EEIG1: variants seen among roughly 807,000 people sequenced by gnomAD.
The protein encoded by EEIG1 is early estrogen-induced gene 1 protein.
chr9:127,941,851 G>A, the EEIG1 span: 1 of 152,200 alleles, frequency 6.6e-6, no homozygotes, highest in Non-Finnish European at 1.5e-5. Context: ...CAAGAAGAAA[G>A]ACGGAAAGAA....
the EEIG1 span, chr9:127,950,466 C>A: frequency 6.2e-7 from 1 of 1,614,042 alleles, no homozygotes; most frequent in Non-Finnish European, 8.5e-7. Context: ...CGTGTCATAT[C>A]CCTCGAGCAG....
the EEIG1 span, among the ~76,000 whole-genome samples, chr9:127,949,329 A>G: frequency 2.2e-3 from 339 of 150,966 alleles, 2 homozygotes; most frequent in African/African-American, 7.8e-3. Context: ...AAAAAAAAAA[A>G]AAAGAAAGGG....
the EEIG1 span, chr9:127,980,302 T>G: frequency 1.5e-6 from 1 of 657,646 alleles, no homozygotes; most frequent in South Asian, 2.0e-5. Flanking sequence ...GTCTGAGAGA[T>G]CCACCAGTCC....
the EEIG1 span, among the ~76,000 whole-genome samples, chr9:127,969,181 C>T: frequency 6.6e-6 from 1 of 152,178 alleles, no homozygotes; most frequent in Non-Finnish European, 1.5e-5. Flanking sequence ...GCAGAGCAGG[C>T]GGAGTGGCAA....
At chr9:127,959,706 T>C in the EEIG1 span, among the ~76,000 whole-genome samples, 24 of 152,324 alleles carry the variant, frequency 1.6e-4, no homozygotes, top group East Asian at 4.2e-3. Context: ...GTGAAGAAGG[T>C]CCTCGCTTCC....
At chr9:127,976,940 CCTTTGCTGT>C in the EEIG1 span, among the ~76,000 whole-genome samples, 1 of 152,024 alleles carries the variant, frequency 6.6e-6, no homozygotes, top group Non-Finnish European at 1.5e-5. This position sits in a 1 kb window ranked among gnomAD's most constrained non-coding sequence, Gnocchi z 4.1. Flanking sequence ...AACAATGGGG[CCTTTGCTGT>C]CTAGAGGGGC....
chr9:127,945,003 G>T, the EEIG1 span: 1 of 1,334,932 alleles, frequency 7.5e-7, no homozygotes. The surrounding 1 kb of genome is among the most constrained non-coding windows in gnomAD (Gnocchi z 6.5). Context: ...CGCTCAGAAT[G>T]TCCCTGTGCG....
chr9:127,951,939 A>G, the EEIG1 span, among the ~76,000 whole-genome samples: 1 of 152,188 alleles, frequency 6.6e-6, no homozygotes, highest in East Asian at 1.9e-4. Flanking sequence ...CACCACGTCC[A>G]GCCACTTCTC....
the EEIG1 span, among the ~76,000 whole-genome samples, chr9:127,951,271 G>A: frequency 1.3e-5 from 2 of 152,184 alleles, no homozygotes; most frequent in African/African-American, 4.8e-5. Flanking sequence ...GGTCTAGGAG[G>A]CCCCAGAGCC....
chr9:127,962,199 T>A, the EEIG1 span, among the ~76,000 whole-genome samples: 1 of 152,154 alleles, frequency 6.6e-6, no homozygotes, highest in South Asian at 2.1e-4. Context: ...TTTTTTAAAG[T>A]GACATATGTA....
chr9:127,947,184 G>A, the EEIG1 span, among the ~76,000 whole-genome samples: 73 of 147,418 alleles, frequency 5.0e-4, no homozygotes, highest in Non-Finnish European at 9.3e-4. Context: ...AAGGCAGACA[G>A]ATCACGAGGT....
At chr9:127,945,810 C>T in the EEIG1 span, 9 of 1,219,986 alleles carry the variant, frequency 7.4e-6, no homozygotes, top group South Asian at 6.6e-5. The surrounding 1 kb of genome is among the most constrained non-coding windows in gnomAD (Gnocchi z 6.5). Context: ...GTGCTGCTCA[C>T]TGTCGCCCTT....
the EEIG1 span, among the ~76,000 whole-genome samples, chr9:127,974,528 G>C: frequency 1.3e-5 from 2 of 152,220 alleles, no homozygotes; most frequent in African/African-American, 4.8e-5. Flanking sequence ...ACTTCTTCCA[G>C]GAAGCTCTCC....
At chr9:127,953,383 T>C in the EEIG1 span, 1 of 605,090 alleles carries the variant, frequency 1.7e-6, no homozygotes, top group East Asian at 2.8e-5. Context: ...ACCATTTATA[T>C]TGCAACAACC....
chr9:127,947,134 G>A, the EEIG1 span, among the ~76,000 whole-genome samples: 42 of 151,958 alleles, frequency 2.8e-4, 1 homozygote, highest in African/African-American at 9.7e-5. Context: ...CCAGCCGGGC[G>A]CGGTGGCTCA....
chr9:127,950,947 G>A, the EEIG1 span, among the ~76,000 whole-genome samples: 624 of 152,300 alleles, frequency 4.1e-3, 9 homozygotes, highest in African/African-American at 0.014. Context: ...TGGGGAAAGT[G>A]ATGGGACACC....
At chr9:127,950,339 C>G in the EEIG1 span, 16 of 1,408,464 alleles carry the variant, frequency 1.1e-5, no homozygotes, top group South Asian at 2.4e-5. Context: ...TTTTTAACAA[C>G]CCTCCTCCAG....
At chr9:127,941,089 A>G in the EEIG1 span, 1 of 152,212 alleles carries the variant, frequency 6.6e-6, no homozygotes, top group African/African-American at 2.4e-5. Flanking sequence ...AGGGCTGAGG[A>G]CAGGGCTCCC....
chr9:127,960,323 G>GA, the EEIG1 span, among the ~76,000 whole-genome samples: 2 of 152,200 alleles, frequency 1.3e-5, no homozygotes, highest in Admixed American at 6.5e-5. Flanking sequence ...GAGCTGGGGG[G>GA]AGATCAGAGG....
Sources: allele counts gnomAD v4.1 joint callset (sites outside exome capture counted in the v4.1 genomes callset), GRCh38; gene constraint gnomAD v4.1.1; non-coding constraint Gnocchi (gnomAD v3.1); transcripts MANE v1.5; gene names NCBI Gene and HGNC (gene_info 2026-07-23, HGNC 2026-07-21).